VWA3B: variants seen among roughly 807,000 people sequenced by gnomAD.
The protein encoded by VWA3B is von Willebrand factor A domain-containing protein 3B.
A neutral mutation model predicts 158.3 loss-of-function variants in VWA3B; 138 were observed. The observed-to-expected ratio is 0.87, with a 90% CI of 0.76 to 1.00. The LOEUF (loss-of-function observed/expected upper bound fraction) is 1.00. VWA3B is among the 50% of genes least tolerant of loss of function. The pLI, the probability that VWA3B is intolerant of heterozygous loss-of-function variation, is 0.00. For synonymous variants in VWA3B, 596 were observed against 587.3 expected, an observed-to-expected ratio of 1.01 and a Z score of -0.21; for missense variants, 1,555 against 1,565.1, an observed-to-expected ratio of 0.99 and a Z score of 0.11.
At chr2:98,179,144 G>A in intron 8 of VWA3B, 1 of 463,070 alleles carries the variant, frequency 2.2e-6, no homozygotes, top group South Asian at 1.6e-5. Flanking sequence ...CATGGAGTTG[G>A]GAGATGTGCA....
chr2:98,280,782 GCTAAGTGC>G (rs559325417), intron 22 of VWA3B, among the ~76,000 whole-genome samples: 6 of 152,190 alleles, frequency 3.9e-5, no homozygotes, highest in Non-Finnish European at 7.3e-5. Context: ...TTAAGGCAAG[GCTAAGTGC>G]CTAAGACTAC....
At chr2:98,134,761 G>A (rs776013249) in intron 7 of VWA3B, among the ~76,000 whole-genome samples, 1 of 152,076 alleles carries the variant, frequency 6.6e-6, no homozygotes, top group Non-Finnish European at 1.5e-5. Flanking sequence ...GGATAAGAGA[G>A]AAGCTGTAGC....
In VWA3B at chr2:98,102,767, A is replaced by G. The variant is rs541229993; in HGVS notation, c.196+9479A>G. 1.6e-3 allele frequency among the ~76,000 whole-genome samples: 244 copies of G among 152,278 alleles called. 1 individual carries two copies. The highest frequency in any genetic ancestry group is 5.7e-3 in the African/African-American group (236 of 41,552). On this transcript the variant is annotated intron_variant, in intron 2 of 27. Coordinates refer to ENST00000477737, the MANE Select transcript of VWA3B (RefSeq NM_144992.5). ...GATTTGGAAGTGTTCCTCCTCCTCT[A>G]TGCTTTGATGGCATTTGTACACGAT...
At position 98,133,883 on chromosome 2, in the gene VWA3B, A is replaced by G; in HGVS notation, c.932A>G (p.Asp311Gly). ...GAATTTCCTGCATTCTCCACAAAGG[A>G]TGGTGACAATGTGATGACTTGGAAT... ...CVEFPAFSTKDGDNVMTWNSR... is the reference protein window; with the variant it reads ...CVEFPAFSTKGGDNVMTWNSR... Residue 311 changes from aspartate to glycine, a missense_variant, in exon 7 of 28, where the codon GAT becomes GGT. Physicochemically the swap from Asp to Gly is moderately conservative, Grantham distance 94. Transcript: ENST00000477737. 1.2e-6 allele frequency: 2 copies of G among 1,614,186 alleles called. No homozygotes were observed. Among genetic ancestry groups the G allele is most frequent in the Non-Finnish European group, 1.7e-6 (2 of 1,180,032 alleles).
At chr2:98,119,869 G>C in intron 4 of VWA3B, 106 bp downstream of exon 4, 2 of 1,381,810 alleles carry the variant, frequency 1.4e-6, no homozygotes, top group Non-Finnish European at 2.0e-6. Context: ...GGTGAGGGAA[G>C]AGGCATTATC....
intron 8 of VWA3B, among the ~76,000 whole-genome samples, chr2:98,174,132 C>A (rs545819838): frequency 1.3e-5 from 2 of 152,320 alleles, no homozygotes; most frequent in African/African-American, 4.8e-5. Flanking sequence ...AGGACCTTAT[C>A]AGAATCAACC....
rs77781991 is a variant in VWA3B at position 98,119,158 on chromosome 2, G to T, written c.292-355G>T. The stretch of plus-strand genomic sequence containing the variant: ...ATGTTATGTTTAGGAAAACGTTTTA[G>T]TGAGACATTATTTTCCATCTGCCTT... On this transcript the variant is annotated intron_variant, in intron 3 of 27. Coordinates refer to ENST00000477737, the MANE Select transcript of VWA3B (RefSeq NM_144992.5). 1.5e-3 allele frequency among the ~76,000 whole-genome samples: 231 copies of T among 152,336 alleles called. 4 individuals are homozygous for T. The East Asian group carries it at 0.035, about 23-fold the overall frequency.
At chr2:98,162,774 C>T (rs759101061) in intron 7 of VWA3B, 77 bp from the exon 8 acceptor site, 9 of 1,563,752 alleles carry the variant, frequency 5.8e-6, no homozygotes, top group East Asian at 4.6e-5. Flanking sequence ...GGCTGCAATG[C>T]GTCAGGCCTG....
chr2:98,182,797 G>A (rs1444606801), intron 9 of VWA3B, among the ~76,000 whole-genome samples: 2 of 152,194 alleles, frequency 1.3e-5, no homozygotes, highest in African/African-American at 4.8e-5. Flanking sequence ...GCACGTGCCT[G>A]TAATCCCAGC....
intron 22 of VWA3B, among the ~76,000 whole-genome samples, chr2:98,277,695 A>G (rs1287429971): frequency 6.6e-6 from 1 of 152,076 alleles, no homozygotes; most frequent in Non-Finnish European, 1.5e-5. Flanking sequence ...GGAGAAAGAG[A>G]GCGTTAGGAA....
intron 7 of VWA3B, among the ~76,000 whole-genome samples, chr2:98,156,021 TC>T (rs1378964671): frequency 2.6e-5 from 4 of 152,190 alleles, no homozygotes; most frequent in African/African-American, 9.7e-5. Context: ...TCCCTGGGGT[TC>T]CACCCTCAGA....
chr2:98,318,958 A>T, the VWA3B span, among the ~76,000 whole-genome samples: 2 of 152,340 alleles, frequency 1.3e-5, no homozygotes, highest in African/African-American at 4.8e-5. Flanking sequence ...ATGGATATGA[A>T]AAGTCAGCCC....
chr2:98,126,935 C>T (rs1675411097), intron 5 of VWA3B, among the ~76,000 whole-genome samples: 1 of 151,998 alleles, frequency 6.6e-6, no homozygotes, highest in South Asian at 2.1e-4. Flanking sequence ...AGGCAGAGCA[C>T]CCCAACCAAC....
At chr2:98,087,664 T>A (rs1681962987) in intron 1 of VWA3B, among the ~76,000 whole-genome samples, 1 of 152,134 alleles carries the variant, frequency 6.6e-6, no homozygotes, top group African/African-American at 2.4e-5. Context: ...CTAGTTTCTG[T>A]CTATGCCATA....
chr2:98,271,928 G>T (rs10176437), intron 22 of VWA3B, among the ~76,000 whole-genome samples: 6,433 of 152,100 alleles, frequency 0.042, 421 homozygotes, highest in African/African-American at 0.15. Context: ...TGTTGGAGGT[G>T]GGACATTTAA....
intron 3 of VWA3B, among the ~76,000 whole-genome samples, chr2:98,119,249 G>A (rs1044420466): frequency 1.3e-5 from 2 of 152,128 alleles, no homozygotes; most frequent in African/African-American, 4.8e-5. Flanking sequence ...AAGATAATCT[G>A]TAACTATAAA....
chr2:98,142,264 C>A (rs909091444), intron 7 of VWA3B, among the ~76,000 whole-genome samples: 1 of 152,122 alleles, frequency 6.6e-6, no homozygotes, highest in African/African-American at 2.4e-5. Context: ...TTTTGTAGAC[C>A]CTGCCCCGCC....
At chr2:98,210,297 C>T (rs1325026445) in intron 12 of VWA3B, among the ~76,000 whole-genome samples, 2 of 152,110 alleles carry the variant, frequency 1.3e-5, no homozygotes, top group East Asian at 1.9e-4. Context: ...GCTGTCTCCC[C>T]TAGAAGATGT....
At chr2:98,177,566 T>C (rs1449364560) in intron 8 of VWA3B, among the ~76,000 whole-genome samples, 1 of 148,386 alleles carries the variant, frequency 6.7e-6, no homozygotes, top group African/African-American at 2.5e-5. Context: ...TTTCCCTCCT[T>C]TTTTTTTTTC....
Sources: gnomAD v4.1 joint callset for allele counts (sites outside exome capture counted in the v4.1 genomes callset) on GRCh38, gnomAD v4.1.1 for gene constraint, MANE v1.5 for transcripts, NCBI Gene and HGNC (gene_info 2026-07-23, HGNC 2026-07-21) for gene names.